Variants in DNAJC1 observed in about 807,000 individuals in gnomAD.
DNAJC1 encodes dnaJ homolog subfamily C member 1.
DNAJC1 carries 58 observed loss-of-function variants against 76.6 expected under a neutral mutation model. The ratio of observed to expected loss-of-function variants is 0.76; its 90% CI spans 0.61 to 0.94. The LOEUF (loss-of-function observed/expected upper bound fraction) is 0.94. Among genes scored for constraint, DNAJC1 ranks in the 40% least tolerant of loss-of-function variants. The probability of loss-of-function intolerance (pLI) is 0.00; values close to 1 mark genes in which losing one functional copy is unlikely to be tolerated. For synonymous variants in DNAJC1, 258 were observed against 267.9 expected (o/e 0.96, Z 0.36); for missense variants, 689 against 677.3 (o/e 1.02, Z -0.19).
chr10:21,868,910 C>A (rs1386633421), intron 8 of DNAJC1, among the ~76,000 whole-genome samples: 3 of 151,932 alleles, frequency 2.0e-5, no homozygotes, highest in Admixed American at 6.5e-5. Flanking sequence ...ATAAGACTGA[C>A]AAAACAGATT....
chr10:21,761,077 G>A (rs796602367), intron 10 of DNAJC1, among the ~76,000 whole-genome samples: 16 of 152,302 alleles, frequency 1.1e-4, no homozygotes, highest in African/African-American at 3.8e-4. Context: ...CTACTTGGGT[G>A]GCTGAGGCAT....
At chr10:21,767,295 T>C (rs921579383) in intron 9 of DNAJC1, among the ~76,000 whole-genome samples, 2 of 152,036 alleles carry the variant, frequency 1.3e-5, no homozygotes, top group Non-Finnish European at 2.9e-5. Context: ...GGTCTGGTGG[T>C]AATTTTTTTT....
chr10:21,918,730 G>A lies in DNAJC1; in HGVS notation c.729+49C>T. 4 of 1,371,290 alleles carry A rather than the reference G, an allele frequency of 2.9e-6. No homozygotes were observed. The South Asian group carries it at 4.8e-5, about 16-fold the overall frequency. The allele number at this position is 1,371,290 out of a possible 1,614,324, so 84.9% of individuals were successfully genotyped here. The stretch of plus-strand genomic sequence containing the variant: ...GACATGGGCATAAATTATTTCATGA[G>A]TGATTAAAAATAAAAGATCTAATGT... On this transcript the variant is annotated intron_variant, in intron 6 of 11. Transcript: ENST00000376980.
intron 9 of DNAJC1, among the ~76,000 whole-genome samples, chr10:21,778,917 C>G (rs146916851): frequency 6.6e-6 from 1 of 152,222 alleles, no homozygotes. Context: ...CTTTTCCAAC[C>G]GTCTTAGCAA....
intron 8 of DNAJC1, among the ~76,000 whole-genome samples, chr10:21,880,971 C>A (rs1198623742): frequency 6.6e-6 from 1 of 152,246 alleles, no homozygotes; most frequent in Non-Finnish European, 1.5e-5. Flanking sequence ...CCACCTTCAT[C>A]AATGATCTTG....
At chr10:21,781,880 C>T (rs1339858734) in intron 9 of DNAJC1, among the ~76,000 whole-genome samples, 1 of 152,094 alleles carries the variant, frequency 6.6e-6, no homozygotes, top group Non-Finnish European at 1.5e-5. Flanking sequence ...ACCAGAATCT[C>T]TGGGACACAT....
intron 1 of DNAJC1, among the ~76,000 whole-genome samples, chr10:21,931,273 A>G (rs1322340503): frequency 6.6e-6 from 1 of 152,178 alleles, no homozygotes; most frequent in African/African-American, 2.4e-5. Context: ...TCACCCAGCT[A>G]CAGATACAGA....
chr10:21,800,549 T>A (rs1434809824), intron 9 of DNAJC1, among the ~76,000 whole-genome samples: 2 of 152,222 alleles, frequency 1.3e-5, no homozygotes, highest in African/African-American at 4.8e-5. Context: ...ACCGATAGGA[T>A]ATTCTTTAAT....
At chr10:21,837,402 C>T (rs923217286) in intron 8 of DNAJC1, among the ~76,000 whole-genome samples, 11 of 151,122 alleles carry the variant, frequency 7.3e-5, no homozygotes, top group South Asian at 4.2e-4. Flanking sequence ...CCCCTCTGTC[C>T]GGCTGCCCAG....
At chr10:21,939,341 T>C (rs1223880198) in intron 1 of DNAJC1, among the ~76,000 whole-genome samples, 2 of 152,224 alleles carry the variant, frequency 1.3e-5, no homozygotes, top group Non-Finnish European at 1.5e-5. Flanking sequence ...CTTCAAACTC[T>C]AATTGACATC....
chr10:21,921,011 C>CA (rs541232412), intron 3 of DNAJC1, 48 bp from the exon 4 acceptor site: 146 of 1,440,486 alleles, frequency 1.0e-4, no homozygotes, highest in South Asian at 7.5e-4. Context: ...AAAATAAAAA[C>CA]AAAAAAAACT....
intron 8 of DNAJC1, among the ~76,000 whole-genome samples, chr10:21,845,459 A>G (rs1230053611): frequency 2.7e-5 from 4 of 150,698 alleles, no homozygotes; most frequent in Admixed American, 6.6e-5. Context: ...GGTTCAACCT[A>G]TTCTCCTGCC....
intron 7 of DNAJC1, 74 bp from the exon 8 acceptor site, chr10:21,882,513 G>T: frequency 1.0e-6 from 1 of 975,406 alleles, no homozygotes; most frequent in Non-Finnish European, 1.4e-6. Flanking sequence ...TTTATTCATA[G>T]ACCATATCCT....
intron 8 of DNAJC1, among the ~76,000 whole-genome samples, chr10:21,839,838 T>C (rs1590008011): frequency 6.6e-6 from 1 of 152,224 alleles, no homozygotes; most frequent in East Asian, 1.9e-4. Flanking sequence ...TGAACATCGA[T>C]GCAAAAATCC....
At chr10:21,919,494 A>G (rs1022268520) in intron 5 of DNAJC1, among the ~76,000 whole-genome samples, 1 of 151,982 alleles carries the variant, frequency 6.6e-6, no homozygotes, top group Non-Finnish European at 1.5e-5. Context: ...AGTGTACTGC[A>G]TATCACTGCC....
intron 9 of DNAJC1, among the ~76,000 whole-genome samples, chr10:21,797,926 G>A (rs1267294721): frequency 1.3e-5 from 2 of 152,030 alleles, no homozygotes; most frequent in Non-Finnish European, 2.9e-5. Context: ...TAATGAGGTA[G>A]GCCTATATAT....
chr10:21,979,574 C>T (rs1268612245), intron 1 of DNAJC1, among the ~76,000 whole-genome samples: 1 of 151,904 alleles, frequency 6.6e-6, no homozygotes, highest in African/African-American at 2.4e-5. Flanking sequence ...TGTGACTTTG[C>T]AGAATATGAA....
chr10:21,977,975 T>C (rs1214018471), intron 1 of DNAJC1, among the ~76,000 whole-genome samples: 2 of 152,160 alleles, frequency 1.3e-5, no homozygotes, highest in Admixed American at 1.3e-4. Flanking sequence ...AATATTTAGA[T>C]GATATTTAAC....
intron 8 of DNAJC1, among the ~76,000 whole-genome samples, chr10:21,875,427 A>T (rs1564814624): frequency 6.6e-6 from 1 of 152,224 alleles, no homozygotes; most frequent in Non-Finnish European, 1.5e-5. Flanking sequence ...AAGTGTTAGG[A>T]TTACAGGTGT....
Sources: gnomAD v4.1 joint callset for allele counts (sites outside exome capture counted in the v4.1 genomes callset) on GRCh38, gnomAD v4.1.1 for gene constraint, MANE v1.5 for transcripts, NCBI Gene and HGNC (gene_info 2026-07-23, HGNC 2026-07-21) for gene names.